The following STK4 variants were observed in gnomAD, a reference collection of about 807,000 sequenced individuals.
STK4 encodes serine/threonine-protein kinase 4.
A neutral mutation model predicts 64.9 loss-of-function variants in STK4; 30 were observed. The ratio of observed to expected loss-of-function variants is 0.46; its 90% CI spans 0.35 to 0.63. The LOEUF is 0.63. Ranked by LOEUF, STK4 falls within the 20% of genes least tolerant of loss-of-function variation. The probability of loss-of-function intolerance (pLI) is 0.01; values close to 1 mark genes in which losing one functional copy is unlikely to be tolerated. For synonymous variants in STK4, 177 were observed against 199.0 expected (o/e 0.89, Z 0.93); for missense variants, 466 against 598.5 (o/e 0.78, Z 2.31).
chr20:44,979,599 A>G (rs778073375), intron 3 of STK4, among the ~76,000 whole-genome samples: 3 of 152,178 alleles, frequency 2.0e-5, no homozygotes, highest in Non-Finnish European at 2.9e-5. Context: ...CTCTCAGTTG[A>G]AGCTGCATTC....
In STK4 at chr20:45,010,555, G is replaced by A. The variant is rs528128578; in HGVS notation, c.1147+9202G>A. ...AAATTGAACCATTCCCTGTTTAATA[G>A]CAGTTGAAACCCAGTTGCAGAGATT... On this transcript the variant is annotated intron_variant, in intron 9 of 10. Transcript: ENST00000372806. Among the ~76,000 whole-genome samples, 11 of 152,244 alleles carry A rather than the reference G, an allele frequency of 7.2e-5. No individual in the cohort carries two copies. The South Asian group carries it at 2.3e-3, about 32-fold the overall frequency.
intron 10 of STK4, among the ~76,000 whole-genome samples, chr20:45,058,600 T>G (rs1978703120): frequency 6.6e-6 from 1 of 152,180 alleles, no homozygotes; most frequent in South Asian, 2.1e-4. Context: ...TTCTTTGGGC[T>G]TTTTTTATTT....
At chr20:45,002,439 A>T (rs751842719) in intron 9 of STK4, among the ~76,000 whole-genome samples, 1 of 152,222 alleles carries the variant, frequency 6.6e-6, no homozygotes, top group Non-Finnish European at 1.5e-5. Flanking sequence ...TATTATAATC[A>T]TGAAGAGAAC....
intron 9 of STK4, among the ~76,000 whole-genome samples, chr20:45,007,100 G>A (rs187991078): frequency 6.6e-6 from 1 of 152,246 alleles, no homozygotes; most frequent in East Asian, 1.9e-4. Context: ...TTTATAACAG[G>A]AGGGGAGGCC....
intron 9 of STK4, among the ~76,000 whole-genome samples, chr20:45,017,295 C>T (rs2145361923): frequency 6.6e-6 from 1 of 152,268 alleles, no homozygotes; most frequent in Non-Finnish European, 1.5e-5. Flanking sequence ...TAGAGCATTA[C>T]TCTAGGCGCT....
At chr20:45,019,095 C>T (rs2068197115) in intron 9 of STK4, among the ~76,000 whole-genome samples, 1 of 152,068 alleles carries the variant, frequency 6.6e-6, no homozygotes, top group Non-Finnish European at 1.5e-5. Context: ...GCATAGAATT[C>T]AGTGTTTTTT....
chr20:44,973,591 T>A (rs546404089), intron 2 of STK4, among the ~76,000 whole-genome samples: 1 of 152,258 alleles, frequency 6.6e-6, no homozygotes, highest in African/African-American at 2.4e-5. Flanking sequence ...ATAGGCATAA[T>A]TGACTATGTA....
At chr20:45,010,692 C>T (rs183553777) in intron 9 of STK4, among the ~76,000 whole-genome samples, 1 of 152,294 alleles carries the variant, frequency 6.6e-6, no homozygotes, top group East Asian at 1.9e-4. Flanking sequence ...CTACTTCTAG[C>T]AGAGCCCCTT....
At chr20:45,074,774 A>G (rs930646596) in intron 10 of STK4, among the ~76,000 whole-genome samples, 1 of 152,216 alleles carries the variant, frequency 6.6e-6, no homozygotes, top group Non-Finnish European at 1.5e-5. Flanking sequence ...GTCAAGGCAC[A>G]TTAAATCAAA....
rs116979029 is a variant in STK4, at chr20:45,075,310, G to T, written c.*134G>T. 6 of 1,197,386 alleles carry T rather than the reference G, an allele frequency of 5.0e-6. No homozygotes were observed. Among genetic ancestry groups the T allele is most frequent in the Admixed American group, 4.7e-5 (2 of 42,404 alleles). 74.2% of individuals were successfully genotyped at this position (1,197,386 alleles called of 1,614,324 possible). On this transcript the variant is annotated 3_prime_UTR_variant, in exon 11 of 11. Coordinates refer to ENST00000372806, the MANE Select transcript of STK4 (RefSeq NM_006282.5). ...CACCTTTGTGAACTCAGGAATGTGC[G>T]CCAGTGGGAAGGGCTCTCTTGACAG...
intron 10 of STK4, among the ~76,000 whole-genome samples, chr20:45,045,138 T>G (rs2068673235): frequency 6.6e-6 from 1 of 152,252 alleles, no homozygotes; most frequent in Non-Finnish European, 1.5e-5. Context: ...CAGTTAAGCC[T>G]GGATTTCTGG....
chr20:45,005,525 A>G (rs936814391), intron 9 of STK4, among the ~76,000 whole-genome samples: 2 of 151,624 alleles, frequency 1.3e-5, no homozygotes, highest in Non-Finnish European at 2.9e-5. Context: ...GCAGGCGCCT[A>G]TAGTCCTAGC....
At chr20:45,041,447 T>C (rs1348544328) in intron 10 of STK4, among the ~76,000 whole-genome samples, 2 of 152,180 alleles carry the variant, frequency 1.3e-5, no homozygotes, top group East Asian at 3.8e-4. Flanking sequence ...TAGCCATACA[T>C]AGAGATAGTC....
chr20:45,059,892 G>T (rs1459868035), intron 10 of STK4, among the ~76,000 whole-genome samples: 3 of 151,944 alleles, frequency 2.0e-5, no homozygotes, highest in African/African-American at 7.3e-5. Flanking sequence ...TTTATTTAAT[G>T]AACTTAAATT....
At chr20:45,070,597 G>A (rs985806557) in intron 10 of STK4, among the ~76,000 whole-genome samples, 1 of 152,160 alleles carries the variant, frequency 6.6e-6, no homozygotes, top group African/African-American at 2.4e-5. Context: ...GTGTTAAGCT[G>A]CAGATTCTAT....
chr20:45,046,221 G>T (rs1258742576), intron 10 of STK4, among the ~76,000 whole-genome samples: 1 of 151,198 alleles, frequency 6.6e-6, no homozygotes, highest in Non-Finnish European at 1.5e-5. Context: ...TTGAGGTCAG[G>T]AGTTCATGAC....
At position 45,078,053 on chromosome 20, in the gene STK4, G is replaced by T. The variant is rs982970537; in HGVS notation, c.*2877G>T. ...TACTAAATTTAAGATATGTCAGCTTGCTTTCAATGAGCCTTGGGCTTCTGT... is the reference window on the plus strand; with the variant it reads ...TACTAAATTTAAGATATGTCAGCTTTCTTTCAATGAGCCTTGGGCTTCTGT... On this transcript the variant is annotated 3_prime_UTR_variant, in exon 11 of 11. Coordinates refer to ENST00000372806, the MANE Select transcript of STK4 (RefSeq NM_006282.5). 3.3e-5 allele frequency: 5 copies of T among 152,102 alleles called. No homozygotes were observed. Among genetic ancestry groups the T allele is most frequent in the Admixed American group, 3.3e-4 (5 of 15,268 alleles). 9.4% of individuals were successfully genotyped at this position (152,102 alleles called of 1,614,324 possible).
At chr20:45,051,496 A>G (rs1436265111) in intron 10 of STK4, among the ~76,000 whole-genome samples, 1 of 152,126 alleles carries the variant, frequency 6.6e-6, no homozygotes, top group Non-Finnish European at 1.5e-5. Flanking sequence ...TGGTAGTTCA[A>G]TAAGTGGTTA....
In STK4 at chr20:44,978,546, ATC is replaced by A. The variant is rs2067378669; in HGVS notation, c.224_225del (p.Ser75TyrfsTer6). On this transcript the variant is annotated frameshift_variant, in exon 3 of 11. Coordinates refer to ENST00000372806, the MANE Select transcript of STK4 (RefSeq NM_006282.5). LOFTEE classifies it high-confidence loss of function. ...AGACCTCCAGGAGATAATCAAAGAA[ATC>A]TCTATAATGCAGCAATGTGACAGGT... ...ESDLQEIIKEISIMQQCDSPH... is the reference protein window; with the variant it reads ...ESDLQEIIKEXSIMQQCDSPH... 6.2e-7 allele frequency: 1 copy of A among 1,613,980 alleles called. No homozygotes were observed. The highest frequency in any genetic ancestry group is 1.7e-5 in the Admixed American group (1 of 59,996).
Sources: gnomAD v4.1 joint callset for allele counts (sites outside exome capture counted in the v4.1 genomes callset) on GRCh38, gnomAD v4.1.1 for gene constraint, MANE v1.5 for transcripts, NCBI Gene and HGNC (gene_info 2026-07-23, HGNC 2026-07-21) for gene names.